Variants in FBXW11 observed in about 807,000 individuals in gnomAD.
The protein encoded by FBXW11 is F-box and WD repeat domain containing 11, also known as F-box/WD repeat-containing protein 11.
Under a neutral mutation model 77.6 loss-of-function variants are expected in FBXW11, and 19 were observed. That is an observed-to-expected ratio of 0.24 (90% CI 0.17 to 0.36). The LOEUF (loss-of-function observed/expected upper bound fraction) is 0.36. FBXW11 is among the 10% of genes least tolerant of loss of function. The pLI, the probability that FBXW11 is intolerant of heterozygous loss-of-function variation, is 1.00. For missense variants in FBXW11, 334 were observed against 704.2 expected (o/e 0.47, Z 5.95); for synonymous variants, 235 against 249.4 (o/e 0.94, Z 0.54).
At chr5:171,979,490 T>C (rs973589213) in intron 1 of FBXW11, among the ~76,000 whole-genome samples, 2 of 152,216 alleles carry the variant, frequency 1.3e-5, no homozygotes, top group African/African-American at 2.4e-5. Flanking sequence ...TTTTACATTA[T>C]ATTTATTTTC....
chr5:171,976,689 A>AAGGCCCTTTTGAG (rs1332010542), intron 1 of FBXW11, among the ~76,000 whole-genome samples: 1 of 152,120 alleles, frequency 6.6e-6, no homozygotes, highest in African/African-American at 2.4e-5. Flanking sequence ...ATGCAGCAAG[A>AAGGCCCTTTTGAG]AGGCCCTTTT....
intron 2 of FBXW11, among the ~76,000 whole-genome samples, chr5:171,915,928 T>C (rs1008417568): frequency 2.0e-5 from 3 of 152,066 alleles, no homozygotes; most frequent in Non-Finnish European, 4.4e-5. Context: ...GATGAGTTCA[T>C]GTCCTTTGTA....
intron 1 of FBXW11, among the ~76,000 whole-genome samples, chr5:171,969,087 G>A (rs774581478): frequency 9.2e-5 from 14 of 151,946 alleles, no homozygotes; most frequent in Middle Eastern, 3.4e-3. Context: ...GGCCAACATG[G>A]TGAAACCCTG....
chr5:171,926,072 G>C (rs978831391), intron 2 of FBXW11, among the ~76,000 whole-genome samples: 5 of 152,084 alleles, frequency 3.3e-5, no homozygotes, highest in Admixed American at 2.0e-4. Context: ...ATTTTTATTT[G>C]ATTTTTGCTT....
intron 7 of FBXW11, among the ~76,000 whole-genome samples, chr5:171,882,323 G>C (rs1052340330): frequency 1.3e-5 from 2 of 152,116 alleles, no homozygotes; most frequent in African/African-American, 4.8e-5. Flanking sequence ...AGGAGGGAGA[G>C]AAAGTCTCAC....
In FBXW11 at chr5:171,934,663, T is replaced by C. The variant is rs1338419179; in HGVS notation, c.148-20258A>G. Among the ~76,000 whole-genome samples the C allele has an allele frequency of 4.2e-5, 6 of 142,032 alleles. No individual in the cohort carries two copies. In the South Asian group the frequency reaches 1.1e-3, roughly 26 times the overall value. 93.2% of individuals were successfully genotyped at this position (142,032 alleles called of 152,430 possible). Reference sequence around the variant, plus strand: ...CCCTACTCCAGCCTGGGTGACAGAGTGTGACCCTGTCTCAAAAAAAAAAAA... The same window carrying C: ...CCCTACTCCAGCCTGGGTGACAGAGCGTGACCCTGTCTCAAAAAAAAAAAA... On this transcript the variant is annotated intron_variant, in intron 2 of 13. Transcript: ENST00000517395.
At chr5:171,954,426 C>T (rs1763513000) in intron 2 of FBXW11, among the ~76,000 whole-genome samples, 1 of 152,084 alleles carries the variant, frequency 6.6e-6, no homozygotes, top group Admixed American at 6.6e-5. Flanking sequence ...TCCTAGAGTC[C>T]AACACATAGA....
intron 1 of FBXW11, among the ~76,000 whole-genome samples, chr5:172,006,130 A>G (rs1334990397): frequency 6.6e-6 from 1 of 152,206 alleles, no homozygotes; most frequent in East Asian, 1.9e-4. Flanking sequence ...TCCCTTTCTA[A>G]AAGAAGGAGA....
chr5:171,973,555 G>A (rs550438267), intron 1 of FBXW11, among the ~76,000 whole-genome samples: 1 of 152,316 alleles, frequency 6.6e-6, no homozygotes, highest in African/African-American at 2.4e-5. Context: ...ACAGCCAAGA[G>A]CAGCTTAAGG....
At chr5:171,890,314 G>A (rs55758152) in intron 7 of FBXW11, among the ~76,000 whole-genome samples, 37,025 of 151,888 alleles carry the variant, frequency 0.24, 5,568 homozygotes, top group Non-Finnish European at 0.33. Context: ...CTTGAGGTCA[G>A]GAGCTCAAGA....
intron 2 of FBXW11, among the ~76,000 whole-genome samples, chr5:171,951,554 A>C (rs193128912): frequency 2.7e-5 from 3 of 111,674 alleles, no homozygotes; most frequent in Non-Finnish European, 6.0e-5. Flanking sequence ...GAGAGAGAGA[A>C]AAAAAGTGGC....
At chr5:171,868,185 G>A (rs1322398582) in intron 13 of FBXW11, 1 of 151,990 alleles carries the variant, frequency 6.6e-6, no homozygotes. Context: ...GATTGTGGTA[G>A]TGGGGAAGAG....
chr5:171,925,408 T>TA (rs1242059616), intron 2 of FBXW11, among the ~76,000 whole-genome samples: 1 of 152,168 alleles, frequency 6.6e-6, no homozygotes, highest in Non-Finnish European at 1.5e-5. Context: ...CAATTTTCTG[T>TA]AAAAAACAAA....
At chr5:171,998,731 AG>A (rs1766224144) in intron 1 of FBXW11, among the ~76,000 whole-genome samples, 1 of 146,246 alleles carries the variant, frequency 6.8e-6, no homozygotes, top group Non-Finnish European at 1.5e-5. Flanking sequence ...CGGGAGACAG[AG>A]GCTGCAGTGA....
At chr5:171,884,348 G>C (rs537142595) in intron 7 of FBXW11, among the ~76,000 whole-genome samples, 2 of 152,202 alleles carry the variant, frequency 1.3e-5, no homozygotes, top group Non-Finnish European at 2.9e-5. Flanking sequence ...TCAGTTGGCT[G>C]TAAGTATTTG....
At chr5:171,961,061 C>G (rs143927152) in intron 1 of FBXW11, among the ~76,000 whole-genome samples, 2 of 152,228 alleles carry the variant, frequency 1.3e-5, no homozygotes, top group Non-Finnish European at 2.9e-5. Context: ...CTCATTTTTA[C>G]AATAATCCTA....
chr5:171,898,563 T>A (rs1759905345), intron 6 of FBXW11, among the ~76,000 whole-genome samples: 1 of 152,164 alleles, frequency 6.6e-6, no homozygotes, highest in African/African-American at 2.4e-5. Context: ...ACTTAACTAT[T>A]GCTTAGAATG....
chr5:171,913,523 A>G (rs1359704096), intron 3 of FBXW11, among the ~76,000 whole-genome samples: 1 of 152,144 alleles, frequency 6.6e-6, no homozygotes, highest in Non-Finnish European at 1.5e-5. Flanking sequence ...CATTTTCAAT[A>G]TGCTATTTCC....
intron 7 of FBXW11, among the ~76,000 whole-genome samples, chr5:171,883,583 G>C (rs1758671393): frequency 6.6e-6 from 1 of 152,192 alleles, no homozygotes; most frequent in East Asian, 1.9e-4. Context: ...AGCTGTACTA[G>C]TTTACATTCC....
Sources: gnomAD v4.1 joint callset for allele counts (sites outside exome capture counted in the v4.1 genomes callset) on GRCh38, gnomAD v4.1.1 for gene constraint, MANE v1.5 for transcripts, NCBI Gene and HGNC (gene_info 2026-07-23, HGNC 2026-07-21) for gene names.